The following SLC29A1 variants were observed in gnomAD, a reference collection of about 807,000 sequenced individuals.
SLC29A1 encodes equilibrative nucleoside transporter 1.
SLC29A1 carries 22 observed loss-of-function variants against 48.3 expected under a neutral mutation model. That is an observed-to-expected ratio of 0.46 (90% CI 0.33 to 0.65). The LOEUF is 0.65. SLC29A1 is among the 30% of genes least tolerant of loss of function. The pLI is 0.03. For synonymous variants in SLC29A1, 228 were observed against 231.0 expected, an observed-to-expected ratio of 0.99 and a Z score of 0.12; for missense variants, 491 against 575.3, an observed-to-expected ratio of 0.85 and a Z score of 1.50.
chr6:44,230,262 A>T, intron 5 of SLC29A1, 85 bp from the exon 6 acceptor site: 1 of 1,560,584 alleles, frequency 6.4e-7, no homozygotes, highest in Non-Finnish European at 8.7e-7. Context: ...CCAAGAGTAA[A>T]GTAGGAATGA....
At position 44,232,165 on chromosome 6, in the gene SLC29A1, G is replaced by A. The variant is rs919850845; in HGVS notation, c.973+59G>A. 5.0e-6 allele frequency: 7 copies of A among 1,412,110 alleles called. No individual in the cohort carries two copies. In the East Asian group the frequency reaches 1.1e-4, roughly 23 times the overall value. The allele number at this position is 1,412,110 out of a possible 1,614,324, so 87.5% of individuals were successfully genotyped here. On this transcript the variant is annotated intron_variant, in intron 10 of 12. Coordinates refer to ENST00000371755, the MANE Select transcript of SLC29A1 (RefSeq NM_001372327.1). This position sits in a 1 kb window ranked among gnomAD's most constrained non-coding sequence, Gnocchi z 4.7. ...GACAGGATCTTGAGTTGGGCTGGAAGTGGGGAAGGGAGGGAGCCTGGGTCA... is the reference window on the plus strand; with the variant it reads ...GACAGGATCTTGAGTTGGGCTGGAAATGGGGAAGGGAGGGAGCCTGGGTCA...
upstream of SLC29A1, among the ~76,000 whole-genome samples, chr6:44,222,915 C>T (rs1776625701): frequency 6.6e-6 from 1 of 152,238 alleles, no homozygotes; most frequent in African/African-American, 2.4e-5. Context: ...CCCCACCCCC[C>T]TCCGCGCGCA....
chr6:44,226,106 C>G, intron 1 of SLC29A1: 2 of 985,426 alleles, frequency 2.0e-6, no homozygotes, highest in South Asian at 9.4e-5. Flanking sequence ...CTAGGAGCAC[C>G]TCCTAGGGAC....
At chr6:44,221,887 C>T (rs1776470749), upstream of SLC29A1, among the ~76,000 whole-genome samples, 1 of 152,200 alleles carries the variant, frequency 6.6e-6, no homozygotes, top group African/African-American at 2.4e-5. This position sits in a 1 kb window ranked among gnomAD's most constrained non-coding sequence, Gnocchi z 4.2. Context: ...GGAGAGGAAC[C>T]AGCCTTTCCC....
chr6:44,229,285 C>A lies in SLC29A1; in HGVS notation c.30-105C>A. 2.3e-6 allele frequency: 2 copies of A among 878,384 alleles called. No homozygotes were observed. The highest frequency in any genetic ancestry group is 2.4e-5 in the East Asian group (1 of 41,546). The allele number at this position is 878,384 out of a possible 1,614,324, so 54.4% of individuals were successfully genotyped here. ...GACACAAACACAGACGCCCTGTGCC[C>A]TGGGACCTAGAGAGACTGACAACGG... On this transcript the variant is annotated intron_variant, in intron 2 of 12. Coordinates refer to ENST00000371755, the MANE Select transcript of SLC29A1 (RefSeq NM_001372327.1). This position sits in a 1 kb window ranked among gnomAD's most constrained non-coding sequence, Gnocchi z 5.1.
chr6:44,220,918 T>C (rs1776340213), upstream of SLC29A1, among the ~76,000 whole-genome samples: 1 of 152,220 alleles, frequency 6.6e-6, no homozygotes, highest in South Asian at 2.1e-4. Context: ...CTTGCTCTGT[T>C]GCCCAGGCTG....
Position 44,229,540 on chromosome 6 carries a change from G to A in SLC29A1, c.112-49G>A, listed in dbSNP as rs752736398. On this transcript the variant is annotated intron_variant, in intron 3 of 12. Coordinates refer to ENST00000371755, the MANE Select transcript of SLC29A1 (RefSeq NM_001372327.1). This position sits in a 1 kb window ranked among gnomAD's most constrained non-coding sequence, Gnocchi z 5.1. ...GCTTGCAGGATCTGACTCTGTGCTG[G>A]TAGGCACAGGGAAAGAGATTTCAAC... The A allele has an allele frequency of 1.2e-6, 2 of 1,603,704 alleles. No individual in the cohort carries two copies. The highest frequency in any genetic ancestry group is 2.2e-5 in the South Asian group (2 of 90,902).
chr6:44,230,237 C>CA, intron 5 of SLC29A1, 110 bp from the exon 6 acceptor site: 1 of 1,528,738 alleles, frequency 6.5e-7, no homozygotes, highest in Non-Finnish European at 8.9e-7. Flanking sequence ...AAGGGCAGCT[C>CA]AGCCTCAAGG....
Position 44,223,623 on chromosome 6 carries a change from A to G in SLC29A1, c.-70A>G. 8.3e-7 allele frequency: 1 copy of G among 1,211,318 alleles called. No individual in the cohort carries two copies. 75.0% of individuals were successfully genotyped at this position (1,211,318 alleles called of 1,614,324 possible). A position where few individuals can be genotyped will look rare whatever the true frequency, so the allele number is the denominator to read the frequency against. On this transcript the variant is annotated 5_prime_UTR_variant, in exon 1 of 13. Transcript: ENST00000371755. The surrounding 1 kb of genome is among the most constrained non-coding windows in gnomAD (Gnocchi z 5.0). ...GAGAGCGCGCGGATCTCAGCGCGGG[A>G]GCAGTGCTTCTGCGGCAGGTGCTGC...
chr6:44,224,031 CGCGAGCGGAG>C, intron 1 of SLC29A1: 1 of 39,136 alleles, frequency 2.6e-5, no homozygotes, highest in Non-Finnish European at 3.0e-5. Flanking sequence ...GATGGAGGCT[CGCGAGCGGAG>C]GTGCAGGCTC....
chr6:44,220,908 C>A (rs1776338307), upstream of SLC29A1, among the ~76,000 whole-genome samples: 1 of 152,138 alleles, frequency 6.6e-6, no homozygotes, highest in Non-Finnish European at 1.5e-5. Context: ...CAGACAAGGT[C>A]TTGCTCTGTT....
At chr6:44,227,030 C>G (rs368325114) in intron 1 of SLC29A1, 1 of 1,295,220 alleles carries the variant, frequency 7.7e-7, no homozygotes, top group Admixed American at 3.5e-5. Context: ...GCGGCCAGGC[C>G]GGGAGCCAGG....
rs1456348832 is a variant in SLC29A1 at position 44,229,342 on chromosome 6, G to C, written c.30-48G>C. The C allele has an allele frequency of 7.1e-7, 1 of 1,418,288 alleles. No individual in the cohort carries two copies. Among genetic ancestry groups the C allele is most frequent in the Non-Finnish European group, 1.0e-6 (1 of 1,001,126 alleles). 87.9% of individuals were successfully genotyped at this position (1,418,288 alleles called of 1,614,324 possible). A position where few individuals can be genotyped will look rare whatever the true frequency, so the allele number is the denominator to read the frequency against. On this transcript the variant is annotated intron_variant, in intron 2 of 12. Transcript: ENST00000371755. This position sits in a 1 kb window ranked among gnomAD's most constrained non-coding sequence, Gnocchi z 5.1. ...GCTTTCCTGGGGCTCATTGTGGAGT[G>C]GGGCAGGATGGTGCGTCATTTGGCC...
At position 44,232,641 on chromosome 6, in the gene SLC29A1, C is replaced by A; in HGVS notation, c.1060-166C>A. Reference sequence around the variant, plus strand: ...CCCAGATCGAGATGTAGAATATTTCCAGCACTCCAGAAGGCTCCACCATGC... The same window carrying A: ...CCCAGATCGAGATGTAGAATATTTCAAGCACTCCAGAAGGCTCCACCATGC... On this transcript the variant is annotated intron_variant, in intron 11 of 12. Coordinates refer to ENST00000371755, the MANE Select transcript of SLC29A1 (RefSeq NM_001372327.1). This position sits in a 1 kb window ranked among gnomAD's most constrained non-coding sequence, Gnocchi z 4.7. 1 of 671,410 alleles carries A rather than the reference C, an allele frequency of 1.5e-6. No homozygotes were observed. The highest frequency in any genetic ancestry group is 2.5e-6 in the Non-Finnish European group (1 of 393,178). The allele number at this position is 671,410 out of a possible 1,614,324, so 41.6% of individuals were successfully genotyped here. A position where few individuals can be genotyped will look rare whatever the true frequency, so the allele number is the denominator to read the frequency against.
At chr6:44,220,487 T>C (rs2128334820), upstream of SLC29A1, among the ~76,000 whole-genome samples, 1 of 151,450 alleles carries the variant, frequency 6.6e-6, no homozygotes, top group East Asian at 2.0e-4. Flanking sequence ...CTTGGCATCA[T>C]GGAGTCTTGA....
upstream of SLC29A1, among the ~76,000 whole-genome samples, chr6:44,220,132 C>A (rs1054652361): frequency 6.6e-6 from 1 of 152,086 alleles, no homozygotes; most frequent in Admixed American, 6.5e-5. Flanking sequence ...ACACTGTGAA[C>A]ACACCTGTCT....
chr6:44,224,069 G>C, intron 1 of SLC29A1: 1 of 342,848 alleles, frequency 2.9e-6, no homozygotes, highest in Non-Finnish European at 4.1e-6. Context: ...GAGGTGCGGG[G>C]CTGTCTCTTT....
Position 44,229,750 on chromosome 6 carries a change from C to T in SLC29A1, c.273C>T (p.Pro91=). Residue 91 remains proline (P), a synonymous_variant, in exon 4 of 13, where the codon CCC becomes CCT. Coordinates refer to ENST00000371755, the MANE Select transcript of SLC29A1 (RefSeq NM_001372327.1). This position sits in a 1 kb window ranked among gnomAD's most constrained non-coding sequence, Gnocchi z 5.1. ...NNVMTLCAML[P]LLLFTYLNSF... ...TCATGACCCTATGTGCCATGCTGCC[C>T]CTGCTGTTATTCACCTACCTCAACT... 5 of 1,613,918 alleles carry T rather than the reference C, an allele frequency of 3.1e-6. No individual in the cohort carries two copies. The highest frequency in any genetic ancestry group is 3.4e-6 in the Non-Finnish European group (4 of 1,180,024).
Position 44,232,450 on chromosome 6 carries a change from C to T in SLC29A1, c.1059+22C>T. ...GTGGGTAAGTGGAGGAAGAGGGCCC[C>T]AGGCCCCTGTGGGAAGTAAGAGTCC... On this transcript the variant is annotated intron_variant, in intron 11 of 12. Coordinates refer to ENST00000371755, the MANE Select transcript of SLC29A1 (RefSeq NM_001372327.1). This position sits in a 1 kb window ranked among gnomAD's most constrained non-coding sequence, Gnocchi z 4.7. 1.9e-6 allele frequency: 3 copies of T among 1,544,146 alleles called. No individual in the cohort carries two copies. The highest frequency in any genetic ancestry group is 2.7e-6 in the Non-Finnish European group (3 of 1,118,132).
Sources: allele counts gnomAD v4.1 joint callset (sites outside exome capture counted in the v4.1 genomes callset), GRCh38; gene constraint gnomAD v4.1.1; non-coding constraint Gnocchi (gnomAD v3.1); transcripts MANE v1.5; gene names NCBI Gene and HGNC (gene_info 2026-07-23, HGNC 2026-07-21).